CDH18: variants seen among roughly 807,000 people sequenced by gnomAD.
CDH18 encodes cadherin 18.
Under a neutral mutation model 67.9 loss-of-function variants are expected in CDH18, and 31 were observed. The ratio of observed to expected loss-of-function variants is 0.46; its 90% confidence interval spans 0.34 to 0.62. The LOEUF (loss-of-function observed/expected upper bound fraction) is 0.62. CDH18 is among the 20% of genes least tolerant of loss of function. The probability of loss-of-function intolerance (pLI) is 0.01; values close to 1 mark genes in which losing one functional copy is unlikely to be tolerated. For missense variants in CDH18, 890 were observed against 975.5 expected (o/e 0.91, Z 1.17); for synonymous variants, 362 against 347.2 (o/e 1.04, Z -0.48).
intron 8 of CDH18, among the ~76,000 whole-genome samples, chr5:19,553,364 A>G (rs1468194942): frequency 6.6e-6 from 1 of 151,952 alleles, no homozygotes; most frequent in Non-Finnish European, 1.5e-5. Context: ...ATATCATCTG[A>G]CCTGCACGTT....
intron 2 of CDH18, among the ~76,000 whole-genome samples, chr5:20,050,476 T>A (rs1741320627): frequency 6.6e-6 from 1 of 151,808 alleles, no homozygotes; most frequent in African/African-American, 2.4e-5. Flanking sequence ...TACAAATGTT[T>A]AAGCTCACAT....
At chr5:20,321,149 A>G (rs1737988385) in intron 1 of CDH18, among the ~76,000 whole-genome samples, 1 of 152,100 alleles carries the variant, frequency 6.6e-6, no homozygotes, top group Non-Finnish European at 1.5e-5. Flanking sequence ...AATTCCTTAT[A>G]TATAGAATAA....
rs571949714 is a variant in CDH18 at position 19,969,820 on chromosome 5, T to C, written c.-257+11240A>G. Among the ~76,000 whole-genome samples, 551 of 152,128 alleles carry C rather than the reference T, an allele frequency of 3.6e-3. 2 individuals are homozygous for C. Among genetic ancestry groups the C allele is most frequent in the Non-Finnish European group, 5.9e-3 (399 of 67,998 alleles). ...GTAACTAACCTGCACATTGTGCACA[T>C]GTACCCTAAAACTTAAAGTATAATA... On this transcript the variant is annotated intron_variant, in intron 2 of 12. Coordinates refer to ENST00000382275, the MANE Select transcript of CDH18 (RefSeq NM_004934.5).
Position 19,762,265 on chromosome 5 carries a change from T to G in CDH18, c.229-15029A>C, listed in dbSNP as rs529514023. Among the ~76,000 whole-genome samples, 15 of 152,166 alleles carry G rather than the reference T, an allele frequency of 9.9e-5. No homozygotes were observed. In the East Asian group the frequency reaches 2.9e-3, roughly 29 times the overall value. ...ATGGGATCTAATTAAACTAAAGAGC[T>G]TCTGCACAGCAAAAGAAACTACCAT... On this transcript the variant is annotated intron_variant, in intron 3 of 12. Transcript: ENST00000382275.
chr5:19,867,705 A>G (rs1426364701), intron 2 of CDH18, among the ~76,000 whole-genome samples: 3 of 122,222 alleles, frequency 2.5e-5, no homozygotes, highest in African/African-American at 9.1e-5. Flanking sequence ...TATGCATATA[A>G]TAATACAGCC....
intron 1 of CDH18, among the ~76,000 whole-genome samples, chr5:20,393,015 G>T (rs1744999464): frequency 6.6e-6 from 1 of 151,722 alleles, no homozygotes; most frequent in African/African-American, 2.4e-5. Flanking sequence ...TTATTATCCA[G>T]AATGATATTC....
In CDH18 at chr5:20,294,768, A is replaced by C. The variant is rs369049770; in HGVS notation, c.-579-39263T>G. 1.7e-4 allele frequency among the ~76,000 whole-genome samples: 26 copies of C among 152,328 alleles called. No homozygotes were observed. The East Asian group carries it at 3.7e-3, about 21-fold the overall frequency. ...GCATGGTTTACAAAATTAAAAAATA[A>C]GTAATTTGAAGTGTTTTTGCTTGTG... On this transcript the variant is annotated intron_variant, in intron 1 of 14. Coordinates refer to the CDH18 transcript ENST00000507958.
intron 2 of CDH18, among the ~76,000 whole-genome samples, chr5:19,885,505 A>C (rs1788098960): frequency 6.6e-6 from 1 of 152,232 alleles, no homozygotes; most frequent in African/African-American, 2.4e-5. Context: ...TTTGTTGTTT[A>C]CATCTTAAAT....
chr5:20,490,559 C>T (rs1753528819), intron 1 of CDH18, among the ~76,000 whole-genome samples: 1 of 152,060 alleles, frequency 6.6e-6, no homozygotes, highest in South Asian at 2.1e-4. Context: ...ATACCTTACA[C>T]TCTGACTAGA....
intron 3 of CDH18, among the ~76,000 whole-genome samples, chr5:19,797,418 C>G (rs1377100755): frequency 6.6e-6 from 1 of 151,792 alleles, no homozygotes; most frequent in Non-Finnish European, 1.5e-5. Flanking sequence ...ATGTTATTTT[C>G]CATGTAGCAA....
intron 8 of CDH18, among the ~76,000 whole-genome samples, chr5:19,562,752 A>G (rs1200352563): frequency 6.6e-6 from 1 of 152,198 alleles, no homozygotes; most frequent in Non-Finnish European, 1.5e-5. Flanking sequence ...TATCATTCAA[A>G]GAAAACATTC....
chr5:20,555,746 CTT>C (rs567092272), intron 1 of CDH18, among the ~76,000 whole-genome samples: 1 of 144,712 alleles, frequency 6.9e-6, no homozygotes, highest in Non-Finnish European at 1.5e-5. Flanking sequence ...ATCACCCCTG[CTT>C]TTTTTTTTTT....
chr5:19,544,351 A>G (rs533133069), intron 8 of CDH18, among the ~76,000 whole-genome samples: 3 of 152,166 alleles, frequency 2.0e-5, no homozygotes, highest in Non-Finnish European at 4.4e-5. Flanking sequence ...TATTAAACCT[A>G]TAATAAGACT....
chr5:19,930,523 T>C (rs140784920), intron 2 of CDH18, among the ~76,000 whole-genome samples: 393 of 152,168 alleles, frequency 2.6e-3, no homozygotes, highest in South Asian at 0.019. Flanking sequence ...CACAGTAGCA[T>C]TTTGTGTTCT....
chr5:19,986,135 T>G (rs1053204264), intron 1 of CDH18, among the ~76,000 whole-genome samples: 3 of 152,182 alleles, frequency 2.0e-5, no homozygotes, highest in South Asian at 2.1e-4. Flanking sequence ...TCTAAATAAT[T>G]TATAAAGTTG....
At chr5:19,730,469 A>G (rs1440937639) in intron 4 of CDH18, among the ~76,000 whole-genome samples, 3 of 152,208 alleles carry the variant, frequency 2.0e-5, no homozygotes, top group Non-Finnish European at 4.4e-5. Flanking sequence ...CAGATTTCAG[A>G]TTCTTTTCAG....
chr5:20,258,737 C>G (rs970034624), intron 1 of CDH18, among the ~76,000 whole-genome samples: 2 of 152,006 alleles, frequency 1.3e-5, no homozygotes, highest in African/African-American at 4.8e-5. Context: ...TGTTCAGTAT[C>G]ATTAAATCAG....
At chr5:19,891,462 T>C (rs1052812986) in intron 2 of CDH18, among the ~76,000 whole-genome samples, 4 of 152,180 alleles carry the variant, frequency 2.6e-5, no homozygotes, top group African/African-American at 9.7e-5. Context: ...GATTATGTTA[T>C]GCACAAAATG....
At chr5:19,710,248 CAATT>C (rs1038162954) in intron 5 of CDH18, among the ~76,000 whole-genome samples, 4 of 152,020 alleles carry the variant, frequency 2.6e-5, no homozygotes, top group African/African-American at 7.2e-5. Context: ...TAAAATAAGA[CAATT>C]AAAAAACCAT....
Sources: allele counts gnomAD v4.1 joint callset (sites outside exome capture counted in the v4.1 genomes callset), GRCh38; gene constraint gnomAD v4.1.1; transcripts MANE v1.5; gene names NCBI Gene and HGNC (gene_info 2026-07-23, HGNC 2026-07-21).